C10orf90: variants seen among roughly 807,000 people sequenced by gnomAD.
C10orf90 encodes chromosome 10 open reading frame 90.
Under a neutral mutation model 62.5 loss-of-function variants are expected in C10orf90, and 56 were observed. The ratio of observed to expected loss-of-function variants is 0.90; its 90% confidence interval spans 0.72 to 1.12. The LOEUF is 1.12. Ranked by LOEUF, C10orf90 falls within the 50% of genes most tolerant of loss-of-function variation. The pLI, the probability that C10orf90 is intolerant of heterozygous loss-of-function variation, is 0.00. For synonymous variants in C10orf90, 386 were observed against 340.4 expected (o/e 1.13, Z -1.47); for missense variants, 970 against 880.4 (o/e 1.10, Z -1.29).
chr10:126,560,218 G>T (rs116751508), intron 2 of C10orf90, among the ~76,000 whole-genome samples: 58 of 152,296 alleles, frequency 3.8e-4, no homozygotes, highest in African/African-American at 1.3e-3. Flanking sequence ...TCAGTGATTT[G>T]TAAGTGGGTA....
intron 2 of C10orf90, among the ~76,000 whole-genome samples, chr10:126,543,209 G>A (rs1027589339): frequency 2.6e-5 from 4 of 152,154 alleles, no homozygotes; most frequent in African/African-American, 9.7e-5. Context: ...CAAGTGCTGT[G>A]CTGCTTAGAC....
intron 1 of C10orf90, among the ~76,000 whole-genome samples, chr10:126,665,212 T>A (rs187921874): frequency 6.6e-6 from 1 of 152,238 alleles, no homozygotes; most frequent in Non-Finnish European, 1.5e-5. Context: ...GTCAGAGCCA[T>A]AAGCACATCA....
At chr10:126,436,580 C>T (rs1590890346) in intron 7 of C10orf90, among the ~76,000 whole-genome samples, 2 of 152,198 alleles carry the variant, frequency 1.3e-5, no homozygotes, top group Non-Finnish European at 2.9e-5. Context: ...TAGGCCTTTG[C>T]TTGGTGCTAT....
In C10orf90 at chr10:126,504,556, C is replaced by T. The variant is rs145052480; in HGVS notation, c.935G>A (p.Gly312Glu). ...VRLKVPEAHT[G>E]LCERRKYWVT... ...CCAGTACTTGCGTCTCTCACACAAC[C>T]CAGTGTGGGCCTCGGGAACCTTCAG... Residue 312 changes from glycine (G) to glutamate (E), a missense_variant, in exon 4 of 10, where the codon GGG (glycine) becomes GAG (glutamate). Physicochemically the swap from Gly to Glu is moderately conservative, Grantham distance 98. Transcript: ENST00000488181. This position sits in a 1 kb window ranked among gnomAD's most constrained non-coding sequence, Gnocchi z 4.1. 5,841 of 1,614,214 alleles carry T rather than the reference C, an allele frequency of 3.6e-3. 20 individuals are homozygous for T. Among genetic ancestry groups the T allele is most frequent in the Non-Finnish European group, 4.3e-3 (5,023 of 1,180,032 alleles).
chr10:126,528,409 T>A (rs560798400), intron 2 of C10orf90, among the ~76,000 whole-genome samples: 33 of 152,316 alleles, frequency 2.2e-4, no homozygotes, highest in African/African-American at 7.9e-4. Context: ...AACCTCTTGA[T>A]GCTTGAAAAA....
rs539553967 is a variant in C10orf90, at chr10:126,664,592, C to T, written c.240+5649G>A. 7.8e-4 allele frequency among the ~76,000 whole-genome samples: 119 copies of T among 152,290 alleles called. 4 individuals carry two copies. The highest frequency in any genetic ancestry group is 3.8e-4 in the Non-Finnish European group (26 of 68,030). ...AACCACACCACCACCTTTCATCTGCCGTCTCTTCTCTCCCTTAGTTTGGCT... is the reference window on the plus strand; with the variant it reads ...AACCACACCACCACCTTTCATCTGCTGTCTCTTCTCTCCCTTAGTTTGGCT... On this transcript the variant is annotated intron_variant, in intron 1 of 9. Coordinates refer to ENST00000488181, the MANE Select transcript of C10orf90 (RefSeq NM_001350921.2).
intron 2 of C10orf90, among the ~76,000 whole-genome samples, chr10:126,588,403 C>G (rs1844915725): frequency 6.6e-6 from 1 of 152,190 alleles, no homozygotes; most frequent in Non-Finnish European, 1.5e-5. Context: ...CAACAGGGCT[C>G]TCCAGTAACC....
At chr10:126,619,718 C>G (rs1408877392) in intron 2 of C10orf90, among the ~76,000 whole-genome samples, 2 of 152,176 alleles carry the variant, frequency 1.3e-5, no homozygotes, top group Non-Finnish European at 2.9e-5. Flanking sequence ...AGGCTCACTA[C>G]AGCCTCAGCC....
Position 126,492,841 on chromosome 10 carries a change from T to C in C10orf90, c.1534+11116A>G, listed in dbSNP as rs115347612. Among the ~76,000 whole-genome samples the C allele has an allele frequency of 9.5e-3, 1,452 of 152,280 alleles. 23 individuals are homozygous for C. The highest frequency in any genetic ancestry group is 0.033 in the African/African-American group (1,369 of 41,564). The stretch of plus-strand genomic sequence containing the variant: ...TGCAACTTGGAGTGTTATTTGGAAA[T>C]CTAGATTAAAAAGTCTTAAATTTGT... On this transcript the variant is annotated intron_variant, in intron 4 of 9. Coordinates refer to ENST00000488181, the MANE Select transcript of C10orf90 (RefSeq NM_001350921.2).
chr10:126,600,113 G>A (rs986265603), intron 2 of C10orf90, among the ~76,000 whole-genome samples: 6 of 152,164 alleles, frequency 3.9e-5, no homozygotes, highest in African/African-American at 1.4e-4. Flanking sequence ...GCGTGCATGC[G>A]TGTGCACGCA....
intron 2 of C10orf90, among the ~76,000 whole-genome samples, chr10:126,603,300 A>C (rs1213388020): frequency 6.6e-6 from 1 of 152,176 alleles, no homozygotes; most frequent in East Asian, 1.9e-4. Flanking sequence ...ACGTGGCGGC[A>C]TCAAGGAGAA....
At chr10:126,592,821 T>C (rs112173323) in intron 2 of C10orf90, among the ~76,000 whole-genome samples, 2 of 152,246 alleles carry the variant, frequency 1.3e-5, no homozygotes, top group African/African-American at 4.8e-5. Context: ...ATCCAGAGTC[T>C]ACGAGGAACT....
chr10:126,447,228 T>C (rs1480387527), intron 7 of C10orf90, among the ~76,000 whole-genome samples: 1 of 151,544 alleles, frequency 6.6e-6, no homozygotes, highest in Admixed American at 6.6e-5. Flanking sequence ...AAAGCATATA[T>C]ACTGAGTAGC....
intron 2 of C10orf90, among the ~76,000 whole-genome samples, chr10:126,618,460 T>G (rs895551451): frequency 2.0e-5 from 3 of 152,196 alleles, no homozygotes; most frequent in Admixed American, 6.5e-5. Flanking sequence ...CAAGAAGTCC[T>G]TCTTTCTGCC....
intron 7 of C10orf90, among the ~76,000 whole-genome samples, chr10:126,443,557 C>T (rs1165853992): frequency 2.0e-5 from 3 of 148,914 alleles, no homozygotes; most frequent in East Asian, 1.9e-4. Context: ...CAGGACCAGA[C>T]GGATTCACAG....
chr10:126,486,703 A>T (rs1241336920), intron 4 of C10orf90, among the ~76,000 whole-genome samples: 1 of 152,234 alleles, frequency 6.6e-6, no homozygotes. Context: ...AATTGAAGTT[A>T]AAACTCAGAT....
At chr10:126,664,223 G>A (rs1317006533) in intron 1 of C10orf90, among the ~76,000 whole-genome samples, 1 of 152,176 alleles carries the variant, frequency 6.6e-6, no homozygotes. Context: ...CGCTCTGAGT[G>A]TGGGGAAGCA....
intron 2 of C10orf90, among the ~76,000 whole-genome samples, chr10:126,565,730 G>T (rs556616908): frequency 6.6e-6 from 1 of 152,162 alleles, no homozygotes; most frequent in South Asian, 2.1e-4. Flanking sequence ...CTCCATCCAG[G>T]AGGGGAGCAG....
chr10:126,614,095 A>G (rs1443591933), intron 2 of C10orf90, among the ~76,000 whole-genome samples: 1 of 152,196 alleles, frequency 6.6e-6, no homozygotes, highest in African/African-American at 2.4e-5. Flanking sequence ...CCAAAACAGC[A>G]ACAGGATATC....
Sources: allele counts gnomAD v4.1 joint callset (sites outside exome capture counted in the v4.1 genomes callset), GRCh38; gene constraint gnomAD v4.1.1; non-coding constraint Gnocchi (gnomAD v3.1); transcripts MANE v1.5; gene names NCBI Gene and HGNC (gene_info 2026-07-23, HGNC 2026-07-21).